Variants in RTEL1 observed in about 807,000 individuals in gnomAD.
The protein encoded by RTEL1 is regulator of telomere elongation helicase 1, also known as regulator of telomere length.
Under a neutral mutation model 162.2 loss-of-function variants are expected in RTEL1, and 86 were observed. That is an observed-to-expected ratio of 0.53 (90% CI 0.45 to 0.63). The LOEUF is 0.63. Ranked by LOEUF, RTEL1 falls within the 30% of genes least tolerant of loss-of-function variation. RTEL1 has a pLI of 0.00. For synonymous variants in RTEL1, 958 were observed against 717.9 expected (o/e 1.33, Z -5.35); for missense variants, 1,941 against 1,750.2 (o/e 1.11, Z -1.95).
At chr20:63,679,728 A>G (rs921653956) in intron 12 of RTEL1, 121 bp from the exon 13 acceptor site, 8 of 761,000 alleles carry the variant, frequency 1.1e-5, no homozygotes, top group African/African-American at 6.8e-5. Flanking sequence ...TCTTCTCGGC[A>G]GCTACATCTT....
chr20:63,691,422 C>T (rs1325986979), intron 27 of RTEL1, among the ~76,000 whole-genome samples: 1 of 152,186 alleles, frequency 6.6e-6, no homozygotes, highest in East Asian at 1.9e-4. Flanking sequence ...CCCATCCCTG[C>T]CCTTCAGGCC....
intron 14 of RTEL1, chr20:63,681,858 G>A: frequency 1.0e-6 from 1 of 985,406 alleles, no homozygotes; most frequent in Non-Finnish European, 1.2e-6. Context: ...CCTCCCCAAA[G>A]GCACGGTGGG....
At chr20:63,687,812 T>G in intron 17 of RTEL1, 42 bp downstream of exon 17, 2 of 1,555,352 alleles carry the variant, frequency 1.3e-6, no homozygotes, top group Non-Finnish European at 1.7e-6. Flanking sequence ...CGGTGACACC[T>G]CTGACATCAG....
At chr20:63,659,602 C>G (rs544693377) in intron 2 of RTEL1, 98 bp downstream of exon 2, 1 of 904,326 alleles carries the variant, frequency 1.1e-6, no homozygotes, top group East Asian at 2.5e-5. Context: ...CCAGGCCCCT[C>G]CGGGCCAGAG....
intron 27 of RTEL1, 62 bp from the exon 28 acceptor site, chr20:63,691,680 C>G: frequency 6.9e-7 from 1 of 1,458,112 alleles, no homozygotes; most frequent in Non-Finnish European, 9.6e-7. Flanking sequence ...CGTCCAGGTG[C>G]TTTGGGACCC....
At position 63,681,525 on chromosome 20, in the gene RTEL1, A is replaced by G. The variant is rs1041440875; in HGVS notation, c.1191+806A>G. On this transcript the variant is annotated intron_variant, in intron 14 of 34. Transcript: ENST00000360203. ...GGCTGCCCAGCGCTATGACAGCTTCATGAGTGTCCATCTGGCCTGTGGGGT... is the reference window on the plus strand; with the variant it reads ...GGCTGCCCAGCGCTATGACAGCTTCGTGAGTGTCCATCTGGCCTGTGGGGT... The G allele has an allele frequency of 2.0e-5, 20 of 984,616 alleles. No homozygotes were observed. In the Admixed American group the frequency reaches 3.1e-4, roughly 15 times the overall value. The allele number at this position is 984,616 out of a possible 1,614,324, so 61.0% of individuals were successfully genotyped here. A position where few individuals can be genotyped will look rare whatever the true frequency, so the allele number is the denominator to read the frequency against.
At chr20:63,693,447 A>ACCTCCACCT (rs2090826317) in intron 30 of RTEL1, among the ~76,000 whole-genome samples, 164 bp downstream of exon 30, 2 of 110,850 alleles carry the variant, frequency 1.8e-5, no homozygotes, top group African/African-American at 3.5e-5. Flanking sequence ...CAGCACCAGC[A>ACCTCCACCT]GCACCACCTC....
chr20:63,667,575 T>TGAC (rs1338096378), intron 8 of RTEL1, 22 bp downstream of exon 8: 4 of 1,579,476 alleles, frequency 2.5e-6, no homozygotes, highest in Non-Finnish European at 3.5e-6. Flanking sequence ...GTCCTGTAGC[T>TGAC]GACGACTCCT....
chr20:63,659,828 C>T (rs1370605982), intron 2 of RTEL1, among the ~76,000 whole-genome samples: 1 of 152,208 alleles, frequency 6.6e-6, no homozygotes, highest in African/African-American at 2.4e-5. Context: ...TACAGAGGAC[C>T]TGCACCGGCA....
At chr20:63,693,958 CCT>C (rs894483134) in intron 30 of RTEL1, among the ~76,000 whole-genome samples, 12 of 151,488 alleles carry the variant, frequency 7.9e-5, no homozygotes, top group African/African-American at 2.9e-4. Flanking sequence ...CCTGTTTCTG[CCT>C]CTGTTTGGGG....
At position 63,692,749 on chromosome 20, in the gene RTEL1, C is replaced by G. The variant is rs113037608; in HGVS notation, c.2653-56C>G. 39 of 1,536,394 alleles carry G rather than the reference C, an allele frequency of 2.5e-5. No individual in the cohort carries two copies. The African/African-American group carries it at 4.6e-4, about 18-fold the overall frequency. ...ATGTTCCAAGGAAGGCTCTGCAGCCCCAGGGACCAGATGATGAGGCTGGCC... is the reference window on the plus strand; with the variant it reads ...ATGTTCCAAGGAAGGCTCTGCAGCCGCAGGGACCAGATGATGAGGCTGGCC... On this transcript the variant is annotated intron_variant, in intron 28 of 34. Coordinates refer to ENST00000360203, the MANE Select transcript of RTEL1 (RefSeq NM_001283009.2).
intron 9 of RTEL1, among the ~76,000 whole-genome samples, chr20:63,673,323 G>A (rs929692804): frequency 2.6e-5 from 4 of 152,048 alleles, no homozygotes; most frequent in East Asian, 1.9e-4. Flanking sequence ...GAACCCAGGA[G>A]GTAGAGGTTG....
rs549275342 is a variant in RTEL1 at position 63,684,095 on chromosome 20, C to T, written c.1192-1428C>T. 2.6e-5 allele frequency among the ~76,000 whole-genome samples: 4 copies of T among 152,264 alleles called. No individual in the cohort carries two copies. The East Asian group carries it at 7.7e-4, about 29-fold the overall frequency. On this transcript the variant is annotated intron_variant, in intron 14 of 34. Coordinates refer to ENST00000360203, the MANE Select transcript of RTEL1 (RefSeq NM_001283009.2). ...TGTGCCTCCCGACCAAGATGCTAAACCGGGTCTTGTGTATTCTCCAAACTG... is the reference window on the plus strand; with the variant it reads ...TGTGCCTCCCGACCAAGATGCTAAATCGGGTCTTGTGTATTCTCCAAACTG...
chr20:63,683,139 A>T (rs1341115347), intron 14 of RTEL1, among the ~76,000 whole-genome samples: 1 of 152,074 alleles, frequency 6.6e-6, no homozygotes, highest in African/African-American at 2.4e-5. Context: ...AATTTTTAAA[A>T]TTTTTTTGTA....
intron 7 of RTEL1, among the ~76,000 whole-genome samples, chr20:63,666,834 CT>C (rs146252896): frequency 0.038 from 3,877 of 102,200 alleles, 43 homozygotes; most frequent in Non-Finnish European, 0.058. Context: ...CTGGCCAGCT[CT>C]TTTTTTTTTT....
At chr20:63,682,466 C>T (rs2090497704) in intron 14 of RTEL1, 2 of 985,634 alleles carry the variant, frequency 2.0e-6, no homozygotes, top group African/African-American at 3.5e-5. Flanking sequence ...ACGTGGCCTC[C>T]CAGGCCCCCA....
chr20:63,693,541 CCACCA>C, intron 30 of RTEL1, among the ~76,000 whole-genome samples: 1 of 134,808 alleles, frequency 7.4e-6, no homozygotes, highest in East Asian at 2.1e-4. Flanking sequence ...ACCACCACCA[CCACCA>C]CCACCACCTC....
chr20:63,691,833 A>T lies in RTEL1; in HGVS notation c.2648A>T (p.His883Leu). ...AGGAAGAAGATCCGGCTGGTCAGCC[A>T]CCCGGTGCGTGAGCTGTCCCTGCAC... ...GGRKKIRLVS[H>L]PEEPVAGAQT... is the part of the protein sequence containing the mutation. Residue 883 changes from histidine (H) to leucine (L), a missense_variant, in exon 28 of 35, where the codon CAC (histidine) becomes CTC (leucine). Physicochemically the swap from His to Leu is moderately conservative, Grantham distance 99 (BLOSUM62 -3). Transcript: ENST00000360203. 1 of 1,609,988 alleles carries T rather than the reference A, an allele frequency of 6.2e-7. No individual in the cohort carries two copies. The highest frequency in any genetic ancestry group is 1.1e-5 in the South Asian group (1 of 91,068).
rs773669162 is a variant in RTEL1 at position 63,661,368 on chromosome 20, C to G, written c.173C>G (p.Ala58Gly). 30 of 1,613,528 alleles carry G rather than the reference C, an allele frequency of 1.9e-5. 1 individual carries two copies. The South Asian group carries it at 3.1e-4, about 17-fold the overall frequency. Reference protein sequence around the residue: ...KTLCLLCTTLAWREHLRDGIS... With the variant: ...KTLCLLCTTLGWREHLRDGIS... ...CTGTGCCTGCTGTGCACCACGCTGG[C>G]CTGGCGAGAACACCTCCGAGACGGC... The change falls in exon 3 of 35, where the codon GCC (alanine) becomes GGC (glycine). Residue 58 changes from alanine to glycine, a missense_variant. Coordinates refer to ENST00000360203, the MANE Select transcript of RTEL1 (RefSeq NM_001283009.2). This position sits in a 1 kb window ranked among gnomAD's most constrained non-coding sequence, Gnocchi z 5.1.
Sources: gnomAD v4.1 joint callset for allele counts (sites outside exome capture counted in the v4.1 genomes callset) on GRCh38, gnomAD v4.1.1 for gene constraint, Gnocchi (gnomAD v3.1) non-coding constraint, MANE v1.5 for transcripts, NCBI Gene and HGNC (gene_info 2026-07-23, HGNC 2026-07-21) for gene names.